ENTPD1: variants seen among roughly 807,000 people sequenced by gnomAD.
ENTPD1 encodes the protein ectonucleoside triphosphate diphosphohydrolase 1.
Under a neutral mutation model 57.0 loss-of-function variants are expected in ENTPD1, and 33 were observed. The ratio of observed to expected loss-of-function variants is 0.58; its 90% CI spans 0.44 to 0.77. The LOEUF (loss-of-function observed/expected upper bound fraction) is 0.77. ENTPD1 is among the 30% of genes least tolerant of loss of function. The probability of loss-of-function intolerance (pLI) is 0.00; values close to 1 mark genes in which losing one functional copy is unlikely to be tolerated. For missense variants in ENTPD1, 501 were observed against 603.4 expected, an observed-to-expected ratio of 0.83 and a Z score of 1.78; for synonymous variants, 202 against 218.8, an observed-to-expected ratio of 0.92 and a Z score of 0.68.
intron 1 of ENTPD1, among the ~76,000 whole-genome samples, chr10:95,713,939 A>G (rs2097968652): frequency 6.6e-6 from 1 of 152,266 alleles, no homozygotes; most frequent in African/African-American, 2.4e-5. Context: ...CTCAAAGTGT[A>G]GTAAGTCTCT....
Position 95,873,185 on chromosome 10 carries a change from G to A in ENTPD1, c.*6802G>A. 1 of 985,430 alleles carries A rather than the reference G, an allele frequency of 1.0e-6. No homozygotes were observed. Among genetic ancestry groups the A allele is most frequent in the Non-Finnish European group, 1.2e-6 (1 of 829,928 alleles). The allele number at this position is 985,430 out of a possible 1,614,324, so 61.0% of individuals were successfully genotyped here. ...TCACACTTTGCGTATCAAAGGTCTAGATGACATTATCATTCCAAAGAGTTT... is the reference window on the plus strand; with the variant it reads ...TCACACTTTGCGTATCAAAGGTCTAAATGACATTATCATTCCAAAGAGTTT... On this transcript the variant is annotated 3_prime_UTR_variant, in exon 10 of 10. Transcript: ENST00000371205.
At chr10:95,712,845 T>C (rs1038630192) in intron 1 of ENTPD1, among the ~76,000 whole-genome samples, 9 of 152,032 alleles carry the variant, frequency 5.9e-5, no homozygotes, top group Non-Finnish European at 8.8e-5. Context: ...CCATCCTGGC[T>C]AACACGATGA....
At chr10:95,719,794 T>G (rs914539820) in intron 1 of ENTPD1, among the ~76,000 whole-genome samples, 1 of 152,228 alleles carries the variant, frequency 6.6e-6, no homozygotes, top group Non-Finnish European at 1.5e-5. Context: ...ATGGGGGCTA[T>G]CCCTGAACCC....
Position 95,872,240 on chromosome 10 carries a change from A to G in ENTPD1, c.*5857A>G. ...ACAGGCTTAATTTCATTGCTGCTCA[A>G]CTAAAACCACTGGTGGCTTTCCATT... On this transcript the variant is annotated 3_prime_UTR_variant, in exon 10 of 10. Transcript: ENST00000371205. 1.0e-6 allele frequency: 1 copy of G among 985,440 alleles called. No individual in the cohort carries two copies. Among genetic ancestry groups the G allele is most frequent in the Non-Finnish European group, 1.2e-6 (1 of 829,936 alleles). The allele number at this position is 985,440 out of a possible 1,614,324, so 61.0% of individuals were successfully genotyped here.
At chr10:95,820,767 A>G (rs1422046395) in intron 1 of ENTPD1, among the ~76,000 whole-genome samples, 1 of 152,206 alleles carries the variant, frequency 6.6e-6, no homozygotes, top group Admixed American at 6.5e-5. Context: ...ACATATTGTG[A>G]CCTGAAATCA....
upstream of ENTPD1, chr10:95,755,814 C>CT (rs1225661908): frequency 3.3e-6 from 5 of 1,514,232 alleles, no homozygotes; most frequent in African/African-American, 2.8e-5. Context: ...TAAGGAATAG[C>CT]TTTTTTTGCT....
At chr10:95,828,709 A>ATTTT (rs5787162) in intron 2 of ENTPD1, among the ~76,000 whole-genome samples, 11 of 132,148 alleles carry the variant, frequency 8.3e-5, no homozygotes, top group Non-Finnish European at 1.1e-4. Flanking sequence ...GGTTATCCCC[A>ATTTT]TTTTTTTTTT....
chr10:95,766,691 C>T (rs1182939097), intron 1 of ENTPD1, among the ~76,000 whole-genome samples: 1 of 152,052 alleles, frequency 6.6e-6, no homozygotes, highest in African/African-American at 2.4e-5. Flanking sequence ...ATTTGATTCT[C>T]TGTTTTAATA....
chr10:95,702,265 GC>G, the ENTPD1 span, among the ~76,000 whole-genome samples: 1 of 152,008 alleles, frequency 6.6e-6, no homozygotes, highest in East Asian at 1.9e-4. Context: ...CAGTAAAATA[GC>G]TGACAAGATG....
chr10:95,847,556 T>A lies in ENTPD1; in HGVS notation c.924T>A (p.Thr308=). 1 of 1,614,158 alleles carries A rather than the reference T, an allele frequency of 6.2e-7. No individual in the cohort carries two copies. Residue 308 remains threonine, a synonymous_variant, in exon 7 of 10, where the codon ACT becomes ACA. Transcript: ENST00000371205. Reference sequence around the variant, plus strand: ...CCTGCACCAAGAGATTTGAGATGACTCTTCCATTCCAGCAGTTTGAAATCC... The same window carrying A: ...CCTGCACCAAGAGATTTGAGATGACACTTCCATTCCAGCAGTTTGAAATCC... ...KTPCTKRFEM[T]LPFQQFEIQG...
At position 95,740,727 on chromosome 10, in the gene ENTPD1, G is replaced by C. The variant is rs138447188; in HGVS notation, c.37+28734G>C. On this transcript the variant is annotated intron_variant, in intron 1 of 9. Transcript: ENST00000453258. The stretch of plus-strand genomic sequence containing the variant: ...TCAATGATCTTAGCATGATCTTCTG[G>C]ATACCTCACTGCAGCTTCTCCATCA... 4.2e-4 allele frequency among the ~76,000 whole-genome samples: 64 copies of C among 152,226 alleles called. 1 individual carries two copies. The East Asian group carries it at 0.012, about 28-fold the overall frequency.
At position 95,844,576 on chromosome 10, in the gene ENTPD1, C is replaced by T; in HGVS notation, c.514C>T (p.Gln172Ter). The change falls in exon 5 of 10, where the codon CAA (glutamine) becomes TAA (stop). Residue 172 changes from glutamine (Q) to a stop codon, truncating the protein, a stop_gained. Coordinates refer to ENST00000371205, the MANE Select transcript of ENTPD1 (RefSeq NM_001776.6). LOFTEE classifies it high-confidence loss of function. ...CCAGGGTGCCAGGATCATTACTGGC[C>T]AAGAGGAAGGTGCCTATGGCTGGAT... The part of the protein sequence containing the change: ...DFQGARIITG[Q>*]EEGAYGWITI... 1 of 1,614,162 alleles carries T rather than the reference C, an allele frequency of 6.2e-7. No homozygotes were observed. The highest frequency in any genetic ancestry group is 8.5e-7 in the Non-Finnish European group (1 of 1,180,016).
chr10:95,832,766 C>A (rs935892227), intron 2 of ENTPD1, among the ~76,000 whole-genome samples: 1 of 152,100 alleles, frequency 6.6e-6, no homozygotes, highest in Non-Finnish European at 1.5e-5. Context: ...TCTCTCTATG[C>A]CTCCCCTTAT....
chr10:95,734,966 C>T (rs1002139860), intron 1 of ENTPD1, among the ~76,000 whole-genome samples: 2 of 151,716 alleles, frequency 1.3e-5, no homozygotes, highest in Non-Finnish European at 2.9e-5. Flanking sequence ...GGTAGGGTTA[C>T]AGGCATTTTC....
chr10:95,845,732 A>G (rs2140864418), intron 6 of ENTPD1, 136 bp downstream of exon 6: 1 of 1,452,420 alleles, frequency 6.9e-7, no homozygotes, highest in East Asian at 2.3e-5. Context: ...TAGGCAGGAT[A>G]TTGAACTACA....
Position 95,873,157 on chromosome 10 carries a change from G to T in ENTPD1, c.*6774G>T. ...AGGTAAAGCCAATACATCTGTCCAG[G>T]AATCACACTTTGCGTATCAAAGGTC... is the stretch of plus-strand genomic sequence containing the variant. On this transcript the variant is annotated 3_prime_UTR_variant, in exon 10 of 10. Transcript: ENST00000371205. 1.0e-6 allele frequency: 1 copy of T among 985,056 alleles called. No homozygotes were observed. The highest frequency in any genetic ancestry group is 1.2e-6 in the Non-Finnish European group (1 of 829,646). The allele number at this position is 985,056 out of a possible 1,614,324, so 61.0% of individuals were successfully genotyped here. A position where few individuals can be genotyped will look rare whatever the true frequency, so the allele number is the denominator to read the frequency against.
chr10:95,776,213 T>C (rs1481361997), intron 1 of ENTPD1, among the ~76,000 whole-genome samples: 1 of 152,164 alleles, frequency 6.6e-6, no homozygotes, highest in Non-Finnish European at 1.5e-5. Flanking sequence ...CCCATTAGTT[T>C]ATGCAGTTTC....
At position 95,838,963 on chromosome 10, in the gene ENTPD1, A is replaced by G. The variant is rs143395282; in HGVS notation, c.145-728A>G. Among the ~76,000 whole-genome samples, 484 of 152,302 alleles carry G rather than the reference A, an allele frequency of 3.2e-3. 2 individuals are homozygous for G. The highest frequency in any genetic ancestry group is 0.011 in the African/African-American group (438 of 41,558). Reference sequence around the variant, plus strand: ...TTCATCTCCCCCTACTCGTAAAGCTAAAAACATGAAGTTTAAGTACATATA... The same window carrying G: ...TTCATCTCCCCCTACTCGTAAAGCTGAAAACATGAAGTTTAAGTACATATA... On this transcript the variant is annotated intron_variant, in intron 2 of 9. Coordinates refer to ENST00000371205, the MANE Select transcript of ENTPD1 (RefSeq NM_001776.6).
intron 1 of ENTPD1, among the ~76,000 whole-genome samples, chr10:95,740,623 C>T (rs2097999385): frequency 6.6e-6 from 1 of 152,182 alleles, no homozygotes; most frequent in Non-Finnish European, 1.5e-5. Context: ...CCTAATGTGG[C>T]ATCCAAGATG....
Sources: allele counts gnomAD v4.1 joint callset (sites outside exome capture counted in the v4.1 genomes callset), GRCh38; gene constraint gnomAD v4.1.1; transcripts MANE v1.5; gene names NCBI Gene and HGNC (gene_info 2026-07-23, HGNC 2026-07-21).